The following INPP5D variants were observed in gnomAD, a reference collection of about 807,000 sequenced individuals.
INPP5D encodes phosphatidylinositol 3,4,5-trisphosphate 5-phosphatase 1.
In INPP5D, 33 loss-of-function variants were observed where a neutral mutation model predicts 122.9. The observed-to-expected ratio is 0.27, with a 90% confidence interval of 0.20 to 0.36. The LOEUF (loss-of-function observed/expected upper bound fraction) is 0.36. Ranked by LOEUF, INPP5D falls within the 10% of genes least tolerant of loss-of-function variation. The pLI is 1.00. For synonymous variants in INPP5D, 584 were observed against 576.2 expected, an observed-to-expected ratio of 1.01 and a Z score of -0.19; for missense variants, 1,053 against 1,412.7, an observed-to-expected ratio of 0.75 and a Z score of 4.08.
intron 4 of INPP5D, among the ~76,000 whole-genome samples, chr2:233,127,304 G>C (rs1477684230): frequency 1.3e-5 from 2 of 152,210 alleles, no homozygotes; most frequent in Non-Finnish European, 2.9e-5. Flanking sequence ...ATGGGAATGA[G>C]TGAAGGGGGC....
intron 1 of INPP5D, among the ~76,000 whole-genome samples, chr2:233,062,078 C>T (rs955317578): frequency 1.3e-5 from 2 of 152,206 alleles, no homozygotes; most frequent in Non-Finnish European, 2.9e-5. Flanking sequence ...CTGCTGCTGC[C>T]GGGGCCTTAG....
intron 2 of INPP5D, among the ~76,000 whole-genome samples, chr2:233,118,334 T>C (rs1251965848): frequency 3.3e-5 from 5 of 152,128 alleles, no homozygotes; most frequent in Non-Finnish European, 7.4e-5. Flanking sequence ...TGTGGGCTGC[T>C]CCTCTCTGCA....
intron 20 of INPP5D, among the ~76,000 whole-genome samples, chr2:233,185,323 C>G (rs779493753): frequency 1.3e-5 from 2 of 152,132 alleles, no homozygotes; most frequent in Admixed American, 6.5e-5. Context: ...GCTAGAGCGG[C>G]CTTTGTCACT....
intron 19 of INPP5D, among the ~76,000 whole-genome samples, 163 bp from the exon 20 acceptor site, chr2:233,184,245 C>G (rs11685973): frequency 6.6e-6 from 1 of 152,152 alleles, no homozygotes; most frequent in Non-Finnish European, 1.5e-5. Context: ...TGAGGATGCT[C>G]GGCTGGGTGC....
chr2:233,071,294 A>G (rs549118871), intron 1 of INPP5D, among the ~76,000 whole-genome samples: 57 of 150,092 alleles, frequency 3.8e-4, no homozygotes, highest in African/African-American at 1.3e-3. Context: ...CTGCCTCAAA[A>G]AAAGGAAAAA....
In INPP5D at chr2:233,170,197, G is replaced by T. The variant is rs772940146; in HGVS notation, c.1791+33G>T. 1.2e-6 allele frequency: 2 copies of T among 1,605,102 alleles called. No individual in the cohort carries two copies. Among genetic ancestry groups the T allele is most frequent in the East Asian group, 4.5e-5 (2 of 44,574 alleles). On this transcript the variant is annotated intron_variant, in intron 15 of 26. Transcript: ENST00000445964. This position sits in a 1 kb window ranked among gnomAD's most constrained non-coding sequence, Gnocchi z 4.5. ...CTGCCCGCCTGGGGCTGGGGCTGGGGCTGTATGAGATGGAGGCTCCCTTGA... is the reference window on the plus strand; with the variant it reads ...CTGCCCGCCTGGGGCTGGGGCTGGGTCTGTATGAGATGGAGGCTCCCTTGA...
intron 2 of INPP5D, among the ~76,000 whole-genome samples, chr2:233,107,168 C>T (rs1327561702): frequency 6.6e-6 from 1 of 152,138 alleles, no homozygotes; most frequent in Non-Finnish European, 1.5e-5. Context: ...GAGGGTTTCC[C>T]CAGCAGAGGG....
chr2:233,179,932 C>T (rs1055687610), intron 18 of INPP5D, among the ~76,000 whole-genome samples: 21 of 152,194 alleles, frequency 1.4e-4, no homozygotes, highest in Non-Finnish European at 2.5e-4. Context: ...CGAGTCTCTG[C>T]GCTAGGCTGA....
At chr2:233,191,093 G>C (rs1432736423) in intron 22 of INPP5D, among the ~76,000 whole-genome samples, 1 of 152,176 alleles carries the variant, frequency 6.6e-6, no homozygotes, top group Non-Finnish European at 1.5e-5. Flanking sequence ...ACTTAAGACG[G>C]GTAATTTATA....
intron 6 of INPP5D, among the ~76,000 whole-genome samples, chr2:233,143,742 G>A (rs1251109671): frequency 6.6e-6 from 1 of 152,222 alleles, no homozygotes; most frequent in Non-Finnish European, 1.5e-5. Context: ...GGAATGGTGT[G>A]GTGTCTAAGG....
intron 5 of INPP5D, among the ~76,000 whole-genome samples, chr2:233,137,852 AAATATATATATATATAT>A (rs1410682018): frequency 1.7e-4 from 2 of 11,630 alleles, no homozygotes; most frequent in African/African-American, 5.5e-4. Context: ...AAAAAAAAAA[AAATATATATATATATAT>A]ATATATATAT....
chr2:233,107,920 C>G (rs747527570), intron 2 of INPP5D, among the ~76,000 whole-genome samples: 4 of 152,186 alleles, frequency 2.6e-5, no homozygotes, highest in Non-Finnish European at 5.9e-5. Context: ...GAGATTCTGA[C>G]CGAGACTGGC....
intron 2 of INPP5D, among the ~76,000 whole-genome samples, chr2:233,104,619 G>A (rs1692414576): frequency 6.6e-6 from 1 of 152,194 alleles, no homozygotes; most frequent in African/African-American, 2.4e-5. Context: ...GGAAGAGGAA[G>A]AGGAAGCTAA....
At chr2:233,203,729 A>G (rs1695400745) in intron 25 of INPP5D, among the ~76,000 whole-genome samples, 1 of 152,096 alleles carries the variant, frequency 6.6e-6, no homozygotes. Flanking sequence ...CCCCATCTCT[A>G]CAGAATAAAA....
At chr2:233,153,242 G>A (rs1559321941) in intron 9 of INPP5D, among the ~76,000 whole-genome samples, 1 of 152,224 alleles carries the variant, frequency 6.6e-6, no homozygotes, top group Admixed American at 6.5e-5. Flanking sequence ...AAATTCAGGG[G>A]AAGGAGACAT....
At chr2:233,064,273 C>T (rs1297006522) in intron 1 of INPP5D, among the ~76,000 whole-genome samples, 1 of 152,234 alleles carries the variant, frequency 6.6e-6, no homozygotes, top group East Asian at 1.9e-4. Context: ...GGCGAAGGCA[C>T]GTGGCTGCCT....
intron 2 of INPP5D, among the ~76,000 whole-genome samples, chr2:233,112,290 T>C (rs1692656472): frequency 6.6e-6 from 1 of 152,204 alleles, no homozygotes; most frequent in African/African-American, 2.4e-5. Flanking sequence ...TGAATTTCTA[T>C]TTTATTCGAT....
At chr2:233,099,240 C>T (rs868619207) in intron 2 of INPP5D, among the ~76,000 whole-genome samples, 17 of 152,166 alleles carry the variant, frequency 1.1e-4, no homozygotes, top group African/African-American at 1.7e-4. Flanking sequence ...TGTGAGCCAC[C>T]GTGCCCAGCC....
chr2:233,075,240 A>G lies in INPP5D; in HGVS notation c.135-4095A>G, dbSNP rs777389648. The stretch of plus-strand genomic sequence containing the variant: ...AGGAAGTACTGTTGGGCCCAGTGCT[A>G]TCCTAACCCAGATCTCCAATGGGAA... On this transcript the variant is annotated intron_variant, in intron 1 of 26. Coordinates refer to ENST00000445964, the MANE Select transcript of INPP5D (RefSeq NM_001017915.3). Among the ~76,000 whole-genome samples the G allele has an allele frequency of 1.4e-3, 210 of 152,318 alleles. 3 individuals are homozygous for G. The highest frequency in any genetic ancestry group is 6.8e-3 in the Middle Eastern group (2 of 294).
Sources: gnomAD v4.1 joint callset for allele counts (sites outside exome capture counted in the v4.1 genomes callset) on GRCh38, gnomAD v4.1.1 for gene constraint, Gnocchi (gnomAD v3.1) non-coding constraint, MANE v1.5 for transcripts, NCBI Gene and HGNC (gene_info 2026-07-23, HGNC 2026-07-21) for gene names.